Variants in WWOX observed in about 807,000 individuals in gnomAD.
WWOX encodes WW domain containing oxidoreductase, also known as WW domain-containing oxidoreductase.
A neutral mutation model predicts 46.2 loss-of-function variants in WWOX; 69 were observed. That is an observed-to-expected ratio of 1.49 (90% CI 1.23 to 1.82). The LOEUF is 1.82. Among genes scored for constraint, WWOX ranks in the 40% most tolerant of loss-of-function variants. The pLI is 0.00. For synonymous variants in WWOX, 359 were observed against 202.6 expected, an observed-to-expected ratio of 1.77 and a Z score of -6.56; for missense variants, 919 against 542.6, an observed-to-expected ratio of 1.69 and a Z score of -6.89.
intron 4 of WWOX, among the ~76,000 whole-genome samples, chr16:78,148,269 A>G (rs1467118750): frequency 6.6e-6 from 1 of 152,218 alleles, no homozygotes; most frequent in Non-Finnish European, 1.5e-5. Flanking sequence ...GTACAGAATT[A>G]TACGAAGTGA....
chr16:78,376,986 C>G (rs946475448), intron 5 of WWOX, among the ~76,000 whole-genome samples: 5 of 152,204 alleles, frequency 3.3e-5, no homozygotes, highest in African/African-American at 7.2e-5. Context: ...TTGCGACTTG[C>G]GGCAATCACC....
intron 8 of WWOX, among the ~76,000 whole-genome samples, chr16:78,618,335 T>C (rs1216538661): frequency 1.3e-5 from 2 of 152,170 alleles, no homozygotes; most frequent in Non-Finnish European, 2.9e-5. Context: ...GGAATGTAGT[T>C]CCTCACAGTT....
At chr16:78,505,423 A>G (rs1385433663) in intron 8 of WWOX, among the ~76,000 whole-genome samples, 1 of 152,152 alleles carries the variant, frequency 6.6e-6, no homozygotes, top group African/African-American at 2.4e-5. Context: ...GATGGAAGAG[A>G]CTGGAGAAAG....
chr16:78,958,884 A>G (rs1244279249), intron 8 of WWOX, among the ~76,000 whole-genome samples: 2 of 152,198 alleles, frequency 1.3e-5, no homozygotes, highest in African/African-American at 4.8e-5. Flanking sequence ...TGTTTGTTGC[A>G]TTCAACTCCA....
intron 8 of WWOX, among the ~76,000 whole-genome samples, chr16:78,813,850 C>T (rs1052603263): frequency 2.0e-5 from 3 of 152,066 alleles, no homozygotes; most frequent in Non-Finnish European, 2.9e-5. Context: ...TAATTTCAGG[C>T]GGTCAGCACA....
intron 8 of WWOX, among the ~76,000 whole-genome samples, chr16:78,530,459 A>G (rs758298937): frequency 6.6e-6 from 1 of 152,200 alleles, no homozygotes; most frequent in African/African-American, 2.4e-5. Context: ...CCCTGGAGCT[A>G]TGCCATCAAG....
chr16:78,103,442 C>T (rs988413519), intron 1 of WWOX, among the ~76,000 whole-genome samples: 2 of 151,996 alleles, frequency 1.3e-5, no homozygotes, highest in East Asian at 1.9e-4. Context: ...TTGGCTGGCT[C>T]TCAGCTGGAG....
At chr16:78,722,090 G>T (rs1307077776) in intron 8 of WWOX, among the ~76,000 whole-genome samples, 1 of 152,062 alleles carries the variant, frequency 6.6e-6, no homozygotes, top group African/African-American at 2.4e-5. Flanking sequence ...TTTGCTTTAC[G>T]TGCCTTGATT....
intron 5 of WWOX, chr16:78,355,480 T>C: frequency 5.9e-6 from 2 of 339,660 alleles, no homozygotes; most frequent in Non-Finnish European, 1.2e-5. Flanking sequence ...CGGGCACCTG[T>C]AGTCCCAGCT....
intron 8 of WWOX, among the ~76,000 whole-genome samples, chr16:79,199,556 C>G (rs2051306445): frequency 6.6e-6 from 1 of 152,120 alleles, no homozygotes; most frequent in East Asian, 1.9e-4. Flanking sequence ...CCTCAGTTTT[C>G]CTATTAATAC....
Position 78,158,530 on chromosome 16 carries a change from T to G in WWOX, c.410-5653T>G, listed in dbSNP as rs571430115. Among the ~76,000 whole-genome samples the G allele has an allele frequency of 6.6e-5, 10 of 152,164 alleles. No homozygotes were observed. In the East Asian group the frequency reaches 1.6e-3, roughly 24 times the overall value. On this transcript the variant is annotated intron_variant, in intron 4 of 8. Transcript: ENST00000566780. ...ATGACTTTAAAATATAGATTCATAT[T>G]TTTTAAATATACAGAACTTTTTCAG...
Position 78,617,500 on chromosome 16 carries a change from C to G in WWOX, c.1056+184748C>G, listed in dbSNP as rs930371300. On this transcript the variant is annotated intron_variant, in intron 8 of 8. Transcript: ENST00000566780. The stretch of plus-strand genomic sequence containing the variant: ...TCATTCACAATGCTCAGTGCAGTGA[C>G]TTTGCCGAGCACAAGTGGTGGACTT... Among the ~76,000 whole-genome samples the G allele has an allele frequency of 3.3e-5, 5 of 151,992 alleles. 1 individual carries two copies. The South Asian group carries it at 8.3e-4, about 25-fold the overall frequency.
intron 8 of WWOX, among the ~76,000 whole-genome samples, chr16:79,032,549 T>A (rs1265372328): frequency 6.7e-6 from 1 of 148,362 alleles, no homozygotes; most frequent in East Asian, 1.9e-4. Flanking sequence ...ATATTATACA[T>A]GTAATATACT....
At chr16:78,300,062 A>G (rs1391440641) in intron 5 of WWOX, among the ~76,000 whole-genome samples, 1 of 152,218 alleles carries the variant, frequency 6.6e-6, no homozygotes, top group African/African-American at 2.4e-5. Flanking sequence ...TAAGAAGGAC[A>G]GTGCTTAAAA....
intron 8 of WWOX, among the ~76,000 whole-genome samples, chr16:78,808,422 G>T (rs2051099653): frequency 6.6e-6 from 1 of 152,174 alleles, no homozygotes; most frequent in Non-Finnish European, 1.5e-5. Flanking sequence ...ATGCTATTGG[G>T]ATGTGTAAAG....
At chr16:78,206,309 G>A (rs909558054) in intron 5 of WWOX, among the ~76,000 whole-genome samples, 2 of 151,960 alleles carry the variant, frequency 1.3e-5, no homozygotes, top group Admixed American at 6.6e-5. Flanking sequence ...CTCGTTAAAT[G>A]TCCCAGCAAA....
At chr16:78,663,429 A>G (rs980811117) in intron 8 of WWOX, among the ~76,000 whole-genome samples, 1 of 152,310 alleles carries the variant, frequency 6.6e-6, no homozygotes, top group East Asian at 1.9e-4. Flanking sequence ...TTCACAGTTC[A>G]TGTCATTCCC....
At chr16:78,888,547 T>C (rs537304645) in intron 8 of WWOX, among the ~76,000 whole-genome samples, 73 of 152,320 alleles carry the variant, frequency 4.8e-4, no homozygotes, top group African/African-American at 1.6e-3. Flanking sequence ...CTTCCAGAAC[T>C]CAAAGACGGC....
In WWOX at chr16:78,919,672, C is replaced by T. The variant is rs369716274; in HGVS notation, c.1057-291936C>T. ...AGCTGGGATTACAGGCACACACCAC[C>T]ACACCTGGCTAATTTTTGTATTTTT... On this transcript the variant is annotated intron_variant, in intron 8 of 8. Transcript: ENST00000566780. 7.2e-5 allele frequency among the ~76,000 whole-genome samples: 11 copies of T among 151,924 alleles called. No homozygotes were observed. In the East Asian group the frequency reaches 1.2e-3, roughly 16 times the overall value.
Sources: gnomAD v4.1 joint callset for allele counts (sites outside exome capture counted in the v4.1 genomes callset) on GRCh38, gnomAD v4.1.1 for gene constraint, MANE v1.5 for transcripts, NCBI Gene and HGNC (gene_info 2026-07-23, HGNC 2026-07-21) for gene names.